Variants in ANKDD1B observed in about 807,000 individuals in gnomAD.
ANKDD1B encodes the protein ankyrin repeat and death domain containing 1B.
Under a neutral mutation model 59.7 loss-of-function variants are expected in ANKDD1B, and 57 were observed. The ratio of observed to expected loss-of-function variants is 0.95; its 90% confidence interval spans 0.77 to 1.19. ANKDD1B has a LOEUF of 1.19. Ranked by LOEUF, ANKDD1B falls within the 50% of genes most tolerant of loss-of-function variation. The pLI is 0.00. For synonymous variants in ANKDD1B, 216 were observed against 239.5 expected, an observed-to-expected ratio of 0.90 and a Z score of 0.91; for missense variants, 602 against 641.9, an observed-to-expected ratio of 0.94 and a Z score of 0.67.
intron 3 of ANKDD1B, among the ~76,000 whole-genome samples, chr5:75,625,108 A>G (rs959918567): frequency 1.3e-5 from 2 of 152,166 alleles, no homozygotes; most frequent in African/African-American, 4.8e-5. Context: ...ATAGATTCCC[A>G]GGAGTGGGAT....
At chr5:75,630,762 T>C (rs1356512106) in intron 5 of ANKDD1B, among the ~76,000 whole-genome samples, 2 of 152,236 alleles carry the variant, frequency 1.3e-5, no homozygotes, top group Non-Finnish European at 2.9e-5. Flanking sequence ...TTTGAGGGTG[T>C]ATCTTGCCAG....
intron 10 of ANKDD1B, 76 bp downstream of exon 10, chr5:75,659,457 C>G: frequency 9.7e-7 from 1 of 1,031,386 alleles, no homozygotes; most frequent in Admixed American, 2.0e-5. Context: ...CCTTGAGCAG[C>G]GTTATTGGAA....
chr5:75,649,225 T>C (rs186044470), intron 7 of ANKDD1B, among the ~76,000 whole-genome samples: 10 of 151,894 alleles, frequency 6.6e-5, no homozygotes, highest in African/African-American at 2.4e-4. Flanking sequence ...CTAAAAGGCT[T>C]TTTTGTTTTT....
intron 5 of ANKDD1B, among the ~76,000 whole-genome samples, chr5:75,632,937 T>C (rs936738538): frequency 6.6e-6 from 1 of 152,230 alleles, no homozygotes; most frequent in Admixed American, 6.5e-5. Context: ...AACAAATGAA[T>C]GAATTATTTA....
chr5:75,648,616 G>T (rs2112349), intron 7 of ANKDD1B, among the ~76,000 whole-genome samples: 14,289 of 152,048 alleles, frequency 0.094, 1,662 homozygotes, highest in African/African-American at 0.27. Flanking sequence ...GGAAATGATC[G>T]TGAATCCATT....
At position 75,611,811 on chromosome 5, in the gene ANKDD1B, T is replaced by TG. The variant is rs1773566099; in HGVS notation, c.178dup (p.Ala60GlyfsTer10). The TG allele has an allele frequency of 8.1e-7, 1 of 1,231,862 alleles. No homozygotes were observed. Among genetic ancestry groups the TG allele is most frequent in the Non-Finnish European group, 1.0e-6 (1 of 988,110 alleles). The allele number at this position is 1,231,862 out of a possible 1,614,324, so 76.3% of individuals were successfully genotyped here. On this transcript the variant is annotated frameshift_variant, in exon 1 of 14. Transcript: ENST00000601380. LOFTEE classifies it high-confidence loss of function. The stretch of plus-strand genomic sequence containing the variant: ...GTCTTGGAGAGGAGGACACAGCAGT[T>TG]GCCGGACACGAGCTCCGTGAGTCCC...
chr5:75,625,044 A>C (rs1773954056), intron 3 of ANKDD1B, among the ~76,000 whole-genome samples: 1 of 152,160 alleles, frequency 6.6e-6, no homozygotes, highest in Non-Finnish European at 1.5e-5. Flanking sequence ...TTAGTGTTAC[A>C]ATTACTATCC....
At chr5:75,635,554 A>G in intron 6 of ANKDD1B, 1 of 360,378 alleles carries the variant, frequency 2.8e-6, no homozygotes, top group Non-Finnish European at 4.9e-6. Context: ...CAAAGTTAGA[A>G]CAAGGAGCAT....
chr5:75,655,579 C>G (rs533966754), intron 8 of ANKDD1B, among the ~76,000 whole-genome samples: 1 of 152,284 alleles, frequency 6.6e-6, no homozygotes, highest in Admixed American at 6.5e-5. Context: ...AATGTCAGTT[C>G]TTCAGAATAG....
chr5:75,655,624 C>G (rs558448438), intron 8 of ANKDD1B, among the ~76,000 whole-genome samples: 1 of 152,208 alleles, frequency 6.6e-6, no homozygotes, highest in Non-Finnish European at 1.5e-5. Context: ...AGCCTTCCCC[C>G]TATCCCCACA....
chr5:75,633,061 A>G (rs995243216), intron 5 of ANKDD1B, among the ~76,000 whole-genome samples: 2 of 152,224 alleles, frequency 1.3e-5, no homozygotes, highest in Non-Finnish European at 2.9e-5. Context: ...AGATATTGAT[A>G]TATCAAACAC....
chr5:75,632,577 T>G lies in ANKDD1B; in HGVS notation c.601-2321T>G, dbSNP rs985483457. Among the ~76,000 whole-genome samples, 78 of 152,292 alleles carry G rather than the reference T, an allele frequency of 5.1e-4. 1 individual carries two copies. Among genetic ancestry groups the G allele is most frequent in the African/African-American group, 1.8e-3 (74 of 41,554 alleles). On this transcript the variant is annotated intron_variant, in intron 5 of 13. Coordinates refer to ENST00000601380, the MANE Select transcript of ANKDD1B (RefSeq NM_001276713.2). ...GGTAGAAGAGGCAGGAGCCTATAAT[T>G]AACAGCTCCACAAAATGAGCCAGGG...
chr5:75,635,575 T>C (rs898839369), intron 6 of ANKDD1B: 5 of 385,620 alleles, frequency 1.3e-5, no homozygotes, highest in Middle Eastern at 6.6e-4. Flanking sequence ...GGATGATTTT[T>C]TTCCTACTGG....
intron 11 of ANKDD1B, 72 bp downstream of exon 11, chr5:75,663,561 G>A: frequency 8.2e-7 from 1 of 1,223,278 alleles, no homozygotes; most frequent in Non-Finnish European, 1.2e-6. Context: ...GGCAATGGGG[G>A]GGTCTGTGCC....
chr5:75,664,184 G>C (rs774728178), intron 11 of ANKDD1B, among the ~76,000 whole-genome samples: 7 of 152,184 alleles, frequency 4.6e-5, no homozygotes, highest in Non-Finnish European at 7.3e-5. Flanking sequence ...CCAGAATTCA[G>C]GCCCTAATCA....
At chr5:75,618,305 C>G (rs986721288) in intron 2 of ANKDD1B, among the ~76,000 whole-genome samples, 5 of 152,140 alleles carry the variant, frequency 3.3e-5, no homozygotes, top group African/African-American at 1.2e-4. Flanking sequence ...AAGCAATAAT[C>G]ACTTTTCCAA....
intron 5 of ANKDD1B, chr5:75,634,575 G>A (rs569735681): frequency 9.9e-6 from 2 of 201,896 alleles, no homozygotes; most frequent in South Asian, 1.2e-4. Flanking sequence ...AATAAATAAA[G>A]TTCATAATAT....
chr5:75,663,303 C>A (rs1321981245), intron 10 of ANKDD1B, 91 bp from the exon 11 acceptor site: 2 of 952,458 alleles, frequency 2.1e-6, no homozygotes, highest in Non-Finnish European at 3.2e-6. Flanking sequence ...CTGGTAGAAT[C>A]AAGATTTGAA....
chr5:75,622,843 G>C (rs1395332871), intron 3 of ANKDD1B, among the ~76,000 whole-genome samples: 1 of 152,054 alleles, frequency 6.6e-6, no homozygotes, highest in African/African-American at 2.4e-5. Context: ...GGTTCTTCTC[G>C]GGGAGTTTAC....
Sources: gnomAD v4.1 joint callset for allele counts (sites outside exome capture counted in the v4.1 genomes callset) on GRCh38, gnomAD v4.1.1 for gene constraint, MANE v1.5 for transcripts, NCBI Gene and HGNC (gene_info 2026-07-23, HGNC 2026-07-21) for gene names.